TSPAN2: variants seen among roughly 807,000 people sequenced by gnomAD.
TSPAN2 encodes the protein tetraspanin-2.
Under a neutral mutation model 33.3 loss-of-function variants are expected in TSPAN2, and 24 were observed. That is an observed-to-expected ratio of 0.72 (90% CI 0.52 to 1.01). TSPAN2 has a LOEUF of 1.01. Ranked by LOEUF, TSPAN2 falls within the 50% of genes least tolerant of loss-of-function variation. TSPAN2 has a pLI of 0.00. For synonymous variants in TSPAN2, 114 were observed against 104.5 expected (o/e 1.09, Z -0.56); for missense variants, 278 against 281.3 (o/e 0.99, Z 0.08).
chr1:115,055,247 T>C (rs1003233421), intron 6 of TSPAN2, among the ~76,000 whole-genome samples: 2 of 152,174 alleles, frequency 1.3e-5, no homozygotes, highest in Non-Finnish European at 1.5e-5. Context: ...AGCTTCTTTT[T>C]GTAAAAAACA....
chr1:115,058,957 A>G lies in TSPAN2; in HGVS notation c.370T>C (p.Tyr124His). The G allele has an allele frequency of 1.2e-6, 2 of 1,614,144 alleles. No homozygotes were observed. Among genetic ancestry groups the G allele is most frequent in the Non-Finnish European group, 8.5e-7 (1 of 1,179,976 alleles). The change falls in exon 5 of 8, where the codon TAT becomes CAT. Residue 124 changes from tyrosine to histidine, a missense_variant. Transcript: ENST00000369516. ...GVAIRHVQTM[Y>H]EEAYNDYLKD... ...AGGTAATCATTGTAAGCCTCTTCAT[A>G]CATGGTCTGAACATGTCGGATAGCC... is the stretch of plus-strand genomic sequence containing the variant.
rs778235836 is a variant in TSPAN2, at chr1:115,068,464, C to CTTATTTCTT, written c.172+4432_172+4440dup. 2.8e-3 allele frequency among the ~76,000 whole-genome samples: 420 copies of CTTATTTCTT among 152,284 alleles called. 2 individuals carry two copies. Among genetic ancestry groups the CTTATTTCTT allele is most frequent in the Non-Finnish European group, 4.5e-3 (305 of 68,026 alleles). On this transcript the variant is annotated intron_variant, in intron 2 of 7. Coordinates refer to ENST00000369516, the MANE Select transcript of TSPAN2 (RefSeq NM_005725.6). ...GAGAGGAGAGTCAAGGCTGGAAGGG[C>CTTATTTCTT]TTATTTCTTTAAGAACCATTTGAAT...
At chr1:115,081,793 T>A (rs1025190705) in intron 1 of TSPAN2, among the ~76,000 whole-genome samples, 1 of 152,242 alleles carries the variant, frequency 6.6e-6, no homozygotes, top group Non-Finnish European at 1.5e-5. Context: ...AAAAGCTTAA[T>A]CTTCAAGATA....
At chr1:115,082,638 C>T (rs1046182055) in intron 1 of TSPAN2, among the ~76,000 whole-genome samples, 1 of 152,254 alleles carries the variant, frequency 6.6e-6, no homozygotes. Context: ...TGAAACTGAT[C>T]AGCAGTGTTC....
rs142935012 is a variant in TSPAN2, at chr1:115,052,855, T to A, written c.600+524A>T. On this transcript the variant is annotated intron_variant, in intron 7 of 7. Transcript: ENST00000369516. ...GTATCCCATTTAATTTTCACGGCAATCCTATAAGGTTTATATATTAACAGA... is the reference window on the plus strand; with the variant it reads ...GTATCCCATTTAATTTTCACGGCAAACCTATAAGGTTTATATATTAACAGA... Among the ~76,000 whole-genome samples, 231 of 152,308 alleles carry A rather than the reference T, an allele frequency of 1.5e-3. 1 individual carries two copies. The highest frequency in any genetic ancestry group is 5.3e-3 in the African/African-American group (221 of 41,558).
chr1:115,059,050 G>C (rs1647554894), intron 4 of TSPAN2, 69 bp from the exon 5 acceptor site: 1 of 1,179,430 alleles, frequency 8.5e-7, no homozygotes, highest in Non-Finnish European at 1.3e-6. Context: ...TTTCATCAAG[G>C]AAAATCTCCT....
chr1:115,075,038 C>T (rs778142252), intron 1 of TSPAN2, among the ~76,000 whole-genome samples: 77 of 152,256 alleles, frequency 5.1e-4, no homozygotes, highest in Middle Eastern at 3.4e-3. Flanking sequence ...CAGCAGCCAC[C>T]GAGCAGACTG....
Position 115,089,475 on chromosome 1 carries a change from TA to T in TSPAN2, c.-44del. 7.2e-7 allele frequency: 1 copy of T among 1,391,082 alleles called. No individual in the cohort carries two copies. Among genetic ancestry groups the T allele is most frequent in the Non-Finnish European group, 9.4e-7 (1 of 1,062,578 alleles). The allele number at this position is 1,391,082 out of a possible 1,614,324, so 86.2% of individuals were successfully genotyped here. On this transcript the variant is annotated 5_prime_UTR_variant, in exon 1 of 8. Coordinates refer to ENST00000369516, the MANE Select transcript of TSPAN2 (RefSeq NM_005725.6). ...GGATCCCCAGTCCCCAGGCCCGCGC[TA>T]CGAGCGCGGGGAGCGGCAGGCTCCG...
At chr1:115,056,501 T>C (rs1647431567) in intron 6 of TSPAN2, among the ~76,000 whole-genome samples, 1 of 152,218 alleles carries the variant, frequency 6.6e-6, no homozygotes, top group Non-Finnish European at 1.5e-5. Flanking sequence ...TCTGCCTCTG[T>C]GTTGTTGCTT....
At chr1:115,051,398 C>T (rs1291581085) in intron 7 of TSPAN2, among the ~76,000 whole-genome samples, 2 of 152,162 alleles carry the variant, frequency 1.3e-5, no homozygotes, top group African/African-American at 2.4e-5. Context: ...TTTAGCAAAA[C>T]ATAAACTAAA....
At chr1:115,058,704 C>G (rs1223391451) in intron 5 of TSPAN2, among the ~76,000 whole-genome samples, 179 bp downstream of exon 5, 1 of 152,220 alleles carries the variant, frequency 6.6e-6, no homozygotes, top group Non-Finnish European at 1.5e-5. Context: ...TGATAGACAT[C>G]TTTCCCTTCT....
At chr1:115,078,554 C>G (rs1648503675) in intron 1 of TSPAN2, among the ~76,000 whole-genome samples, 1 of 151,950 alleles carries the variant, frequency 6.6e-6, no homozygotes. Context: ...GGACTAGTGC[C>G]CTTATAAGAA....
intron 3 of TSPAN2, 37 bp downstream of exon 3, chr1:115,062,098 A>ACCCCCCCC: frequency 7.2e-7 from 1 of 1,382,768 alleles, no homozygotes; most frequent in Non-Finnish European, 1.0e-6. Flanking sequence ...CCGCTCCCTC[A>ACCCCCCCC]CCCCCACCCC....
chr1:115,056,775 GAA>G (rs1164930500), intron 6 of TSPAN2, among the ~76,000 whole-genome samples: 2 of 152,126 alleles, frequency 1.3e-5, no homozygotes, highest in African/African-American at 4.8e-5. Context: ...TTGTGAGTAG[GAA>G]CTTTTTCTCC....
At chr1:115,055,686 G>C (rs1647393090) in intron 6 of TSPAN2, among the ~76,000 whole-genome samples, 2 of 152,014 alleles carry the variant, frequency 1.3e-5, no homozygotes. Flanking sequence ...ACCACGCCTG[G>C]CTAATTTTTG....
chr1:115,069,138 G>A lies in TSPAN2; in HGVS notation c.172+3767C>T, dbSNP rs1172590179. Among the ~76,000 whole-genome samples, 3 of 152,232 alleles carry A rather than the reference G, an allele frequency of 2.0e-5. No homozygotes were observed. The East Asian group carries it at 5.8e-4, about 29-fold the overall frequency. On this transcript the variant is annotated intron_variant, in intron 2 of 7. Transcript: ENST00000369516. The stretch of plus-strand genomic sequence containing the variant: ...GGCTGCCTTAGGAAAGGGAGATGGG[G>A]TGGACGAGGAACGAAAGGTGGGTAA...
At chr1:115,083,779 C>G (rs1305241041) in intron 1 of TSPAN2, among the ~76,000 whole-genome samples, 1 of 152,184 alleles carries the variant, frequency 6.6e-6, no homozygotes. Flanking sequence ...AGGGTCAGTG[C>G]ACACAACTAC....
intron 1 of TSPAN2, among the ~76,000 whole-genome samples, chr1:115,079,605 A>C (rs1208497555): frequency 2.0e-5 from 3 of 152,222 alleles, no homozygotes; most frequent in Non-Finnish European, 2.9e-5. Flanking sequence ...TTATCAGAAA[A>C]AATACAAGAA....
chr1:115,061,616 T>C (rs909514764), intron 3 of TSPAN2, among the ~76,000 whole-genome samples: 8 of 152,318 alleles, frequency 5.3e-5, no homozygotes, highest in Admixed American at 3.9e-4. Context: ...TTTACACCAA[T>C]GACGTCATTT....
Sources: allele counts gnomAD v4.1 joint callset (sites outside exome capture counted in the v4.1 genomes callset), GRCh38; gene constraint gnomAD v4.1.1; transcripts MANE v1.5; gene names NCBI Gene and HGNC (gene_info 2026-07-23, HGNC 2026-07-21).